The following CATSPERD variants were observed in gnomAD, a reference collection of about 807,000 sequenced individuals.
CATSPERD encodes the protein catsper channel auxiliary subunit delta.
In CATSPERD, 86 loss-of-function variants were observed where a neutral mutation model predicts 98.1. That is an observed-to-expected ratio of 0.88 (90% CI 0.74 to 1.05). CATSPERD has a LOEUF of 1.05. Among genes scored for constraint, CATSPERD ranks in the 50% least tolerant of loss-of-function variants. The probability of loss-of-function intolerance (pLI) is 0.00; values close to 1 mark genes in which losing one functional copy is unlikely to be tolerated. For synonymous variants in CATSPERD, 394 were observed against 390.2 expected, an observed-to-expected ratio of 1.01 and a Z score of -0.12; for missense variants, 995 against 1,005.7, an observed-to-expected ratio of 0.99 and a Z score of 0.14.
At position 5,745,945 on chromosome 19, in the gene CATSPERD, CCGGAGT is replaced by C; in HGVS notation, c.691_696del (p.Arg231_Ser232del). On this transcript the variant is annotated inframe_deletion, in exon 9 of 22. Coordinates refer to ENST00000381624, the MANE Select transcript of CATSPERD (RefSeq NM_152784.4). ...TCAAGTACTCAGATCACCCCCTCAA[CCGGAGT>C]TTCGGGCTGTCTTTTGACTATAATG... The C allele has an allele frequency of 2.5e-6, 4 of 1,614,144 alleles. No individual in the cohort carries two copies. Among genetic ancestry groups the C allele is most frequent in the Non-Finnish European group, 3.4e-6 (4 of 1,180,018 alleles).
At chr19:5,744,619 TAGAC>T (rs1248232406) in intron 8 of CATSPERD, 109 bp downstream of exon 8, 2 of 686,480 alleles carry the variant, frequency 2.9e-6, no homozygotes, top group East Asian at 3.7e-5. Context: ...AATTTTTTTT[TAGAC>T]AGAGTCTCGC....
Position 5,749,497 on chromosome 19 carries a change from G to C in CATSPERD, c.987+314G>C, listed in dbSNP as rs192471771. ...TATGAATTAGTTGGTAAGGAATAAT[G>C]GTCTTGTTCACAAACTTCTGAACCT... On this transcript the variant is annotated intron_variant, in intron 11 of 21. Coordinates refer to ENST00000381624, the MANE Select transcript of CATSPERD (RefSeq NM_152784.4). Among the ~76,000 whole-genome samples, 10 of 152,208 alleles carry C rather than the reference G, an allele frequency of 6.6e-5. 1 individual carries two copies. Among genetic ancestry groups the C allele is most frequent in the Admixed American group, 2.6e-4 (4 of 15,256 alleles).
At chr19:5,731,117 C>T (rs2145695519) in intron 4 of CATSPERD, among the ~76,000 whole-genome samples, 1 of 151,756 alleles carries the variant, frequency 6.6e-6, no homozygotes, top group South Asian at 2.1e-4. Flanking sequence ...AAGAGCCCCC[C>T]AAATTGTCCT....
intron 3 of CATSPERD, among the ~76,000 whole-genome samples, chr19:5,727,581 A>G (rs2055629416): frequency 6.6e-6 from 1 of 152,148 alleles, no homozygotes; most frequent in African/African-American, 2.4e-5. Context: ...GCTTGGTATA[A>G]GCACTGTTGG....
chr19:5,744,740 A>ACAGG, intron 8 of CATSPERD, among the ~76,000 whole-genome samples: 1 of 151,824 alleles, frequency 6.6e-6, no homozygotes, highest in Non-Finnish European at 1.5e-5. Flanking sequence ...AGCTGGGACT[A>ACAGG]TGGGCTCGTG....
intron 15 of CATSPERD, among the ~76,000 whole-genome samples, chr19:5,761,771 C>T (rs1436538915): frequency 1.3e-5 from 2 of 150,990 alleles, no homozygotes; most frequent in African/African-American, 2.4e-5. Flanking sequence ...GGCACGATCT[C>T]GGCTCACTGC....
chr19:5,742,176 A>G (rs1301943992), intron 7 of CATSPERD, among the ~76,000 whole-genome samples: 2 of 139,054 alleles, frequency 1.4e-5, no homozygotes, highest in East Asian at 4.1e-4. Context: ...GCGTGTGTGT[A>G]TGTATGTGAA....
At chr19:5,757,739 C>T in intron 13 of CATSPERD, 104 bp from the exon 14 acceptor site, 1 of 787,948 alleles carries the variant, frequency 1.3e-6, no homozygotes, top group Non-Finnish European at 2.0e-6. Context: ...CTACACCCAG[C>T]CCTGATTTTT....
intron 4 of CATSPERD, among the ~76,000 whole-genome samples, chr19:5,733,552 G>T (rs2055778214): frequency 6.6e-6 from 1 of 151,456 alleles, no homozygotes; most frequent in African/African-American, 2.4e-5. Flanking sequence ...CACCTCCTAG[G>T]ATCAAGCGAT....
Position 5,758,171 on chromosome 19 carries a change from G to A in CATSPERD, c.1368+239G>A, listed in dbSNP as rs570612259. On this transcript the variant is annotated intron_variant, in intron 14 of 21. Transcript: ENST00000381624. ...CTAACCCAGCCCGGGGAGGGTAGCC[G>A]GAGATCTGAGTTAGTTGGGTAAACT... Among the ~76,000 whole-genome samples the A allele has an allele frequency of 1.3e-4, 20 of 152,204 alleles. No homozygotes were observed. The East Asian group carries it at 2.7e-3, about 21-fold the overall frequency.
At chr19:5,769,293 CAAAAA>C (rs35536683) in intron 18 of CATSPERD, among the ~76,000 whole-genome samples, 5 of 45,092 alleles carry the variant, frequency 1.1e-4, no homozygotes, top group South Asian at 7.2e-4. Context: ...AACCTAGAGA[CAAAAA>C]AAAAAAAAAA....
rs112805826 is a variant in CATSPERD at position 5,755,704 on chromosome 19, C to T, written c.1278+1459C>T. 5.3e-5 allele frequency among the ~76,000 whole-genome samples: 8 copies of T among 151,606 alleles called. No homozygotes were observed. In the South Asian group the frequency reaches 1.2e-3, roughly 24 times the overall value. On this transcript the variant is annotated intron_variant, in intron 13 of 21. Transcript: ENST00000381624. ...AGGAGAATCTCTTGAACCCAGGAGG[C>T]GGAGGTTGCGGTGAGCCAAGATCGT...
At chr19:5,749,949 G>A (rs2056172664) in intron 11 of CATSPERD, among the ~76,000 whole-genome samples, 1 of 150,846 alleles carries the variant, frequency 6.6e-6, no homozygotes, top group African/African-American at 2.4e-5. Context: ...GATTACAGGC[G>A]CATGCCACCA....
chr19:5,740,705 G>A (rs183832302), intron 7 of CATSPERD, among the ~76,000 whole-genome samples: 1 of 147,760 alleles, frequency 6.8e-6, no homozygotes, highest in Non-Finnish European at 1.5e-5. Flanking sequence ...GGCAGAAGTT[G>A]CTTGAGCCAA....
intron 19 of CATSPERD, 89 bp from the exon 20 acceptor site, chr19:5,772,699 G>A (rs964861384): frequency 2.7e-5 from 37 of 1,356,188 alleles, no homozygotes; most frequent in Non-Finnish European, 3.7e-5. Flanking sequence ...CCCCCCAAGC[G>A]GTTTTGCAGC....
chr19:5,722,840 A>G (rs754222423), intron 1 of CATSPERD, among the ~76,000 whole-genome samples: 1 of 151,888 alleles, frequency 6.6e-6, no homozygotes, highest in Non-Finnish European at 1.5e-5. Flanking sequence ...GGAGCCCCGA[A>G]TACCTTGTTG....
At position 5,768,192 on chromosome 19, in the gene CATSPERD, C is replaced by A. The variant is rs1191025196; in HGVS notation, c.1584C>A (p.Gly528=). The A allele has an allele frequency of 6.2e-7, 1 of 1,613,688 alleles. No homozygotes were observed. The highest frequency in any genetic ancestry group is 8.5e-7 in the Non-Finnish European group (1 of 1,179,804). ...GCAAAGTTTCCGCCTGTTCCATGGG[C>A]ATCCTGGACCCCTTGACCCTGCAAG... ...IQNKVSACSM[G]ILDPLTLQDN... is the part of the protein sequence containing the mutation. Residue 528 remains glycine (G), a synonymous_variant, in exon 18 of 22, where the codon GGC becomes GGA. Transcript: ENST00000381624.
At chr19:5,746,595 A>ATT (rs920861269) in intron 9 of CATSPERD, among the ~76,000 whole-genome samples, 4 of 146,666 alleles carry the variant, frequency 2.7e-5, no homozygotes, top group African/African-American at 1.0e-4. Context: ...TGCCCGGCTA[A>ATT]TTTTTTTTTT....
At chr19:5,721,355 A>G (rs1599494556) in intron 1 of CATSPERD, among the ~76,000 whole-genome samples, 1 of 151,732 alleles carries the variant, frequency 6.6e-6, no homozygotes, top group East Asian at 1.9e-4. Context: ...TCTGTTTCCC[A>G]GGGTGGAGTG....
Sources: allele counts gnomAD v4.1 joint callset (sites outside exome capture counted in the v4.1 genomes callset), GRCh38; gene constraint gnomAD v4.1.1; transcripts MANE v1.5; gene names NCBI Gene and HGNC (gene_info 2026-07-23, HGNC 2026-07-21).